Variants in TRMT11 observed in about 807,000 individuals in gnomAD.
TRMT11 encodes tRNA methyltransferase 11, also known as tRNA (guanine(10)-N(2))-methyltransferase TRMT11.
In TRMT11, 53 loss-of-function variants were observed where a neutral mutation model predicts 62.8. The observed-to-expected ratio is 0.84, with a 90% CI of 0.68 to 1.06. The LOEUF is 1.06. Ranked by LOEUF, TRMT11 falls within the 50% of genes least tolerant of loss-of-function variation. TRMT11 has a pLI of 0.00. For synonymous variants in TRMT11, 188 were observed against 190.3 expected (o/e 0.99, Z 0.10); for missense variants, 556 against 553.4 (o/e 1.00, Z -0.05).
intron 12 of TRMT11, among the ~76,000 whole-genome samples, chr6:126,026,295 G>A (rs1159885201): frequency 1.3e-5 from 2 of 151,850 alleles, no homozygotes; most frequent in South Asian, 2.1e-4. Flanking sequence ...ATTCTGTGTC[G>A]TTTTTTTCTA....
the TRMT11 span, among the ~76,000 whole-genome samples, chr6:126,233,701 T>G: frequency 6.6e-6 from 1 of 152,214 alleles, no homozygotes; most frequent in African/African-American, 2.4e-5. Flanking sequence ...AAAAAGGCTT[T>G]AATTTTAATT....
At chr6:126,091,239 T>C (rs993684037) in intron 17 of TRMT11, among the ~76,000 whole-genome samples, 1 of 151,812 alleles carries the variant, frequency 6.6e-6, no homozygotes, top group Non-Finnish European at 1.5e-5. Flanking sequence ...AGAGCTGCCT[T>C]CTTACATATT....
At chr6:126,211,260 T>C in the TRMT11 span, among the ~76,000 whole-genome samples, 2 of 152,182 alleles carry the variant, frequency 1.3e-5, no homozygotes, top group African/African-American at 4.8e-5. Flanking sequence ...CTCTTTGTTG[T>C]GTTGCTTCTA....
Position 125,986,639 on chromosome 6 carries a change from C to T in TRMT11, c.72+17C>T. On this transcript the variant is annotated intron_variant, in intron 1 of 12. Transcript: ENST00000334379. ...CGCCTGCCGGTGAGTCCGTAGCGCC[C>T]TCCGGAACTTCCGACGGAAGAGGAC... is the stretch of plus-strand genomic sequence containing the variant. 1.3e-6 allele frequency: 2 copies of T among 1,571,944 alleles called. No individual in the cohort carries two copies. Among genetic ancestry groups the T allele is most frequent in the Non-Finnish European group, 8.6e-7 (1 of 1,160,052 alleles).
the TRMT11 span, among the ~76,000 whole-genome samples, chr6:126,237,381 A>C: frequency 2.6e-5 from 4 of 152,046 alleles, no homozygotes; most frequent in Admixed American, 1.3e-4. Flanking sequence ...GATTATCTTA[A>C]ATTTAAAAAG....
the TRMT11 span, among the ~76,000 whole-genome samples, chr6:126,219,993 A>G: frequency 6.6e-6 from 1 of 152,188 alleles, no homozygotes. Context: ...TTTCTGGCTT[A>G]TTCTTTGTGT....
At chr6:126,232,141 T>C in the TRMT11 span, among the ~76,000 whole-genome samples, 12 of 151,664 alleles carry the variant, frequency 7.9e-5, no homozygotes, top group South Asian at 1.0e-3. Context: ...CTGAGAGACA[T>C]TTGTGTTTGT....
At chr6:126,223,423 A>AAAAACAAAAC in the TRMT11 span, among the ~76,000 whole-genome samples, 2,858 of 148,938 alleles carry the variant, frequency 0.019, 84 homozygotes, top group African/African-American at 0.068. Context: ...TCCGTCTCGA[A>AAAAACAAAAC]AAAACAAAAC....
chr6:126,242,184 A>G, the TRMT11 span, among the ~76,000 whole-genome samples: 8 of 152,220 alleles, frequency 5.3e-5, no homozygotes, highest in African/African-American at 1.9e-4. Flanking sequence ...CCCATTCACA[A>G]TTGCTTCAAA....
chr6:126,194,331 C>T (rs951180144), intron 1 of TRMT11, among the ~76,000 whole-genome samples: 8 of 152,146 alleles, frequency 5.3e-5, no homozygotes, highest in African/African-American at 7.2e-5. Context: ...TTGAGTTCTT[C>T]GGTATTGGAT....
At chr6:125,997,721 C>CTGG (rs1364622517) in intron 3 of TRMT11, among the ~76,000 whole-genome samples, 2 of 152,124 alleles carry the variant, frequency 1.3e-5, no homozygotes, top group Non-Finnish European at 2.9e-5. Context: ...GTTGCCCAGG[C>CTGG]TGGTCTTGAA....
the TRMT11 span, among the ~76,000 whole-genome samples, chr6:126,253,758 C>G: frequency 6.6e-6 from 1 of 152,180 alleles, no homozygotes; most frequent in Non-Finnish European, 1.5e-5. Context: ...TTCAAATTGA[C>G]TAGGCTATCC....
intron 21 of TRMT11, among the ~76,000 whole-genome samples, chr6:126,136,279 A>G (rs951200533): frequency 5.9e-5 from 9 of 151,748 alleles, no homozygotes; most frequent in Non-Finnish European, 1.3e-4. Flanking sequence ...AGAACTGAAA[A>G]TTTGTAAAAT....
downstream of TRMT11, among the ~76,000 whole-genome samples, chr6:126,204,021 T>G (rs1358117519): frequency 6.6e-6 from 1 of 151,862 alleles, no homozygotes; most frequent in African/African-American, 2.4e-5. Context: ...AACAACCAAC[T>G]AACCAGGCAA....
chr6:126,114,279 G>T (rs554482174), intron 18 of TRMT11, among the ~76,000 whole-genome samples: 1 of 152,122 alleles, frequency 6.6e-6, no homozygotes, highest in African/African-American at 2.4e-5. Flanking sequence ...CCAGAAAGAA[G>T]TCCTCAGAAG....
chr6:126,099,564 C>A (rs145422168), intron 17 of TRMT11, among the ~76,000 whole-genome samples: 1 of 152,092 alleles, frequency 6.6e-6, no homozygotes, highest in South Asian at 2.1e-4. Context: ...CTGGCCAATG[C>A]GGTGAAATCC....
chr6:126,197,393 A>G (rs1778678850), intron 1 of TRMT11, among the ~76,000 whole-genome samples: 1 of 152,196 alleles, frequency 6.6e-6, no homozygotes, highest in Admixed American at 6.5e-5. Flanking sequence ...TCAGTCTTCC[A>G]TGTTTTATCC....
intron 17 of TRMT11, among the ~76,000 whole-genome samples, chr6:126,106,334 A>T (rs952906375): frequency 2.0e-4 from 31 of 152,010 alleles, no homozygotes; most frequent in African/African-American, 7.5e-4. Flanking sequence ...TAGTAGAGAC[A>T]GGGTTTCACC....
chr6:126,271,918 G>A, the TRMT11 span, among the ~76,000 whole-genome samples: 1 of 152,152 alleles, frequency 6.6e-6, no homozygotes, highest in African/African-American at 2.4e-5. Context: ...TCAATAGATA[G>A]CAGACTGCAT....
Sources: gnomAD v4.1 joint callset for allele counts (sites outside exome capture counted in the v4.1 genomes callset) on GRCh38, gnomAD v4.1.1 for gene constraint, MANE v1.5 for transcripts, NCBI Gene and HGNC (gene_info 2026-07-23, HGNC 2026-07-21) for gene names.